TIGAR: variants seen among roughly 807,000 people sequenced by gnomAD.
TIGAR encodes TP53 induced glycolysis regulatory phosphatase, also known as fructose-2,6-bisphosphatase TIGAR.
TIGAR carries 7 observed loss-of-function variants against 17.9 expected under a neutral mutation model. The ratio of observed to expected loss-of-function variants is 0.39; its 90% CI spans 0.22 to 0.73. The LOEUF is 0.73. Among genes scored for constraint, TIGAR ranks in the 30% least tolerant of loss-of-function variants. TIGAR has a pLI of 0.42. For missense variants in TIGAR, 258 were observed against 327.4 expected (o/e 0.79, Z 1.64); for synonymous variants, 94 against 108.6 (o/e 0.87, Z 0.84).
Position 4,337,088 on chromosome 12 carries a change from A to G in TIGAR, c.120A>G (p.Ala40=). The G allele has an allele frequency of 6.2e-7, 1 of 1,613,536 alleles. No homozygotes were observed. Among genetic ancestry groups the G allele is most frequent in the Non-Finnish European group, 8.5e-7 (1 of 1,179,456 alleles). The change falls in exon 3 of 6, where the codon GCA becomes GCG. Residue 40 remains alanine (A), a synonymous_variant. Transcript: ENST00000179259. ...PLSETGFKQA[A]AAGIFLNNVK... The stretch of plus-strand genomic sequence containing the variant: ...CAGAAACTGGATTTAAACAAGCAGC[A>G]GCTGCTGGTATATTTCTGAATAATG...
At position 4,357,304 on chromosome 12, in the gene TIGAR, TTGAAATAGATCATCCTAGG is replaced by T. The variant is rs2120707668; in HGVS notation, c.*4618_*4636del. Among the ~76,000 whole-genome samples the T allele has an allele frequency of 6.6e-6, 1 of 152,344 alleles. No homozygotes were observed. The highest frequency in any genetic ancestry group is 6.5e-5 in the Admixed American group (1 of 15,302). On this transcript the variant is annotated 3_prime_UTR_variant, in exon 6 of 6. Coordinates refer to ENST00000179259, the MANE Select transcript of TIGAR (RefSeq NM_020375.3). The stretch of plus-strand genomic sequence containing the variant: ...TATATTAAGGTCAGTCACAATTTAA[TTGAAATAGATCATCCTAGG>T]TGAATCCACCTGGCATAATTATCAG...
intron 4 of TIGAR, among the ~76,000 whole-genome samples, chr12:4,350,111 A>AATAC (rs1276707067): frequency 2.0e-5 from 3 of 152,244 alleles, no homozygotes; most frequent in Non-Finnish European, 4.4e-5. Context: ...GGTATAAAAG[A>AATAC]AGGTACGCTC....
At chr12:4,336,502 A>G (rs930664849) in intron 2 of TIGAR, among the ~76,000 whole-genome samples, 1 of 150,566 alleles carries the variant, frequency 6.6e-6, no homozygotes, top group African/African-American at 2.4e-5. Context: ...ACACTCACAC[A>G]CATACACCAT....
chr12:4,344,858 T>A (rs1864762870), intron 3 of TIGAR, among the ~76,000 whole-genome samples: 1 of 152,172 alleles, frequency 6.6e-6, no homozygotes, highest in South Asian at 2.1e-4. Flanking sequence ...ATTGTATATC[T>A]AGAAAACCCC....
intron 2 of TIGAR, among the ~76,000 whole-genome samples, chr12:4,332,446 GT>G (rs1157099920): frequency 3.3e-5 from 5 of 152,082 alleles, no homozygotes; most frequent in Non-Finnish European, 7.4e-5. Context: ...GTTTTGCCAT[GT>G]TGGCCAGGCT....
intron 1 of TIGAR, among the ~76,000 whole-genome samples, chr12:4,329,432 G>C (rs1398367184): frequency 1.4e-5 from 2 of 140,340 alleles, no homozygotes; most frequent in Non-Finnish European, 3.0e-5. Context: ...TCTGCCTCCC[G>C]GGTTTAAACA....
In TIGAR at chr12:4,321,420, G is replaced by A; in HGVS notation, c.32+117G>A. On this transcript the variant is annotated intron_variant, in intron 1 of 5. Coordinates refer to ENST00000179259, the MANE Select transcript of TIGAR (RefSeq NM_020375.3). This position sits in a 1 kb window ranked among gnomAD's most constrained non-coding sequence, Gnocchi z 5.2. ...CTCCCTGCTCGCTCCAGCCCGGGAG[G>A]GCTGGCTTGGAAGCGCTTTTTCCGG... The A allele has an allele frequency of 1.4e-6, 2 of 1,476,358 alleles. No homozygotes were observed. The highest frequency in any genetic ancestry group is 1.8e-6 in the Non-Finnish European group (2 of 1,088,270). 91.5% of individuals were successfully genotyped at this position (1,476,358 alleles called of 1,614,324 possible). A position where few individuals can be genotyped will look rare whatever the true frequency, so the allele number is the denominator to read the frequency against.
At chr12:4,348,047 G>A (rs189916825) in intron 3 of TIGAR, among the ~76,000 whole-genome samples, 187 of 152,028 alleles carry the variant, frequency 1.2e-3, no homozygotes, top group Non-Finnish European at 2.1e-3. Flanking sequence ...GGGGTGGGAG[G>A]ATCACTTGAG....
chr12:4,321,411 G>GCCCT lies in TIGAR; in HGVS notation c.32+111_32+112insTCCC. 1 of 1,501,626 alleles carries GCCCT rather than the reference G, an allele frequency of 6.7e-7. No homozygotes were observed. The highest frequency in any genetic ancestry group is 9.0e-7 in the Non-Finnish European group (1 of 1,105,612). The allele number at this position is 1,501,626 out of a possible 1,614,324, so 93.0% of individuals were successfully genotyped here. ...CCCTCTCCCCTCCCTGCTCGCTCCA[G>GCCCT]CCCGGGAGGGCTGGCTTGGAAGCGC... On this transcript the variant is annotated intron_variant, in intron 1 of 5. Coordinates refer to ENST00000179259, the MANE Select transcript of TIGAR (RefSeq NM_020375.3). This position sits in a 1 kb window ranked among gnomAD's most constrained non-coding sequence, Gnocchi z 5.2.
chr12:4,336,479 C>T (rs987393902), intron 2 of TIGAR, among the ~76,000 whole-genome samples: 4 of 151,644 alleles, frequency 2.6e-5, no homozygotes, highest in Admixed American at 6.6e-5. Flanking sequence ...CACACACACA[C>T]ACACACACAC....
intron 3 of TIGAR, 120 bp downstream of exon 3, chr12:4,337,280 C>G (rs747138850): frequency 1.9e-6 from 1 of 530,528 alleles, no homozygotes; most frequent in Non-Finnish European, 2.8e-6. Context: ...GATTCTGATG[C>G]CTCAGCCTCC....
At chr12:4,328,049 A>G (rs1864565519) in intron 1 of TIGAR, among the ~76,000 whole-genome samples, 1 of 152,212 alleles carries the variant, frequency 6.6e-6, no homozygotes, top group South Asian at 2.1e-4. Flanking sequence ...AGTGAATCCA[A>G]TACATGGTAA....
At chr12:4,328,223 C>T (rs914194486) in intron 1 of TIGAR, among the ~76,000 whole-genome samples, 23 of 151,940 alleles carry the variant, frequency 1.5e-4, no homozygotes, top group Non-Finnish European at 1.5e-5. Flanking sequence ...TGAGGTCTTG[C>T]TTTTGTCGCC....
intron 1 of TIGAR, among the ~76,000 whole-genome samples, chr12:4,327,410 G>GAAA (rs541221100): frequency 5.9e-5 from 5 of 85,102 alleles, no homozygotes; most frequent in Admixed American, 1.3e-4. Flanking sequence ...CCCCATCTCA[G>GAAA]AAAAAAAAAA....
At chr12:4,343,446 C>T (rs1251899376) in intron 3 of TIGAR, among the ~76,000 whole-genome samples, 1 of 152,228 alleles carries the variant, frequency 6.6e-6, no homozygotes, top group African/African-American at 2.4e-5. Flanking sequence ...CTCAGCACCA[C>T]ACTGCACTTA....
At chr12:4,334,151 C>T (rs898737453) in intron 2 of TIGAR, among the ~76,000 whole-genome samples, 6 of 152,174 alleles carry the variant, frequency 3.9e-5, no homozygotes, top group East Asian at 1.9e-4. Flanking sequence ...TACCCTCATA[C>T]CTGTCTTAGC....
At chr12:4,329,373 C>T (rs1286425964) in intron 1 of TIGAR, among the ~76,000 whole-genome samples, 1 of 111,368 alleles carries the variant, frequency 9.0e-6, no homozygotes, top group Non-Finnish European at 1.7e-5. Flanking sequence ...GGGTCTTGCT[C>T]TCTCACCCAT....
chr12:4,345,528 A>C (rs923659771), intron 3 of TIGAR, among the ~76,000 whole-genome samples: 1 of 152,234 alleles, frequency 6.6e-6, no homozygotes, highest in Non-Finnish European at 1.5e-5. Context: ...CTATTCAACA[A>C]ATGGTGCTGG....
intron 1 of TIGAR, among the ~76,000 whole-genome samples, chr12:4,325,666 C>T (rs866135695): frequency 4.0e-5 from 6 of 148,610 alleles, no homozygotes; most frequent in Middle Eastern, 7.1e-3. Flanking sequence ...CTCTTGAACC[C>T]GGGAGGTAGA....
Sources: gnomAD v4.1 joint callset for allele counts (sites outside exome capture counted in the v4.1 genomes callset) on GRCh38, gnomAD v4.1.1 for gene constraint, Gnocchi (gnomAD v3.1) non-coding constraint, MANE v1.5 for transcripts, NCBI Gene and HGNC (gene_info 2026-07-23, HGNC 2026-07-21) for gene names.